The following SZT2 variants were observed in gnomAD, a reference collection of about 807,000 sequenced individuals.
SZT2 encodes the protein KICSTOR complex protein SZT2.
A neutral mutation model predicts 404.2 loss-of-function variants in SZT2; 216 were observed. That is an observed-to-expected ratio of 0.53 (90% CI 0.48 to 0.60). The LOEUF (loss-of-function observed/expected upper bound fraction) is 0.60, where lower values mean the gene tolerates loss of function less well. Among genes scored for constraint, SZT2 ranks in the 20% least tolerant of loss-of-function variants. SZT2 has a pLI of 0.00. For missense variants in SZT2, 3,857 were observed against 4,459.2 expected (o/e 0.86, Z 3.85); for synonymous variants, 1,693 against 1,749.9 (o/e 0.97, Z 0.81).
chr1:43,427,894 A>G, intron 26 of SZT2, 109 bp from the exon 27 acceptor site: 2 of 1,299,788 alleles, frequency 1.5e-6, no homozygotes, highest in Non-Finnish European at 2.2e-6. Context: ...TAGGCCATGA[A>G]TACACTTGAT....
chr1:43,445,993 T>A lies in SZT2; in HGVS notation c.8916+9T>A, dbSNP rs1655618213. The A allele has an allele frequency of 6.2e-7, 1 of 1,613,376 alleles. No homozygotes were observed. Among genetic ancestry groups the A allele is most frequent in the African/African-American group, 1.3e-5 (1 of 74,872 alleles). ...CTGATGGGAGCCCCAAGGTAACTTG[T>A]CATATAATGGTAAAGTTACTGATGC... On this transcript the variant is annotated intron_variant, in intron 63 of 71. Transcript: ENST00000634258.
At chr1:43,445,857 C>T in intron 62 of SZT2, 37 bp from the exon 63 acceptor site, 1 of 1,594,926 alleles carries the variant, frequency 6.3e-7, no homozygotes, top group Non-Finnish European at 8.6e-7. Context: ...ATGCCACTAG[C>T]CTGCCTCATC....
Position 43,454,141 on chromosome 1 carries a change from G to A in SZT2, c.*3661G>A, listed in dbSNP as rs1197678115. 6.6e-6 allele frequency: 4 copies of A among 602,012 alleles called. No individual in the cohort carries two copies. Among genetic ancestry groups the A allele is most frequent in the African/African-American group, 2.0e-5 (1 of 50,388 alleles). 37.3% of individuals were successfully genotyped at this position (602,012 alleles called of 1,614,324 possible). A position where few individuals can be genotyped will look rare whatever the true frequency, so the allele number is the denominator to read the frequency against. ...GAGGGCCCGGTTGCAATGATGGGAC[G>A]CGCACTTTAATACTGAGTCTTTCCT... On this transcript the variant is annotated 3_prime_UTR_variant, in exon 72 of 72. Transcript: ENST00000634258.
Position 43,422,226 on chromosome 1 carries a change from G to T in SZT2, c.1769+1G>T, listed in dbSNP as rs777524473. 7 of 1,579,730 alleles carry T rather than the reference G, an allele frequency of 4.4e-6. No homozygotes were observed. In the Admixed American group the frequency reaches 1.2e-4, roughly 27 times the overall value. On this transcript the variant is annotated splice_donor_variant, in intron 12 of 71. Transcript: ENST00000634258. LOFTEE classifies it high-confidence loss of function. ...TGGTGCTAATCCTGGAGCATGACACGTGGGTGCCCTTAGGGCTGGGCCATA... is the reference window on the plus strand; with the variant it reads ...TGGTGCTAATCCTGGAGCATGACACTTGGGTGCCCTTAGGGCTGGGCCATA...
Position 43,389,943 on chromosome 1 carries a change from C to A in SZT2, c.-26C>A, listed in dbSNP as rs780152293. The A allele has an allele frequency of 6.8e-6, 10 of 1,471,648 alleles. No homozygotes were observed. Among genetic ancestry groups the A allele is most frequent in the Non-Finnish European group, 9.0e-6 (10 of 1,111,848 alleles). The allele number at this position is 1,471,648 out of a possible 1,614,324, so 91.2% of individuals were successfully genotyped here. ...TCAAGAGTGGAACACCCTCACTGGC[C>A]CGGGCCGGCGCGGGAGGGCTGTGTG... On this transcript the variant is annotated 5_prime_UTR_variant, in exon 1 of 72. Transcript: ENST00000634258.
At position 43,430,575 on chromosome 1, in the gene SZT2, C is replaced by T. The variant is rs776049293; in HGVS notation, c.4560C>T (p.Asp1520=). 2.5e-6 allele frequency: 4 copies of T among 1,614,186 alleles called. No individual in the cohort carries two copies. In the East Asian group the frequency reaches 8.9e-5, roughly 36 times the overall value. Residue 1520 remains aspartate, a synonymous_variant, in exon 32 of 72, where the codon GAC becomes GAT. Coordinates refer to ENST00000634258, the MANE Select transcript of SZT2 (RefSeq NM_001365999.1). ...EVEYRESRES[D]LGPAGLDSAS... ...AATACCGGGAGAGCCGTGAATCAGA[C>T]CTGGGGCCTGCTGGGCTAGACTCTG... is the stretch of plus-strand genomic sequence containing the variant.
Position 43,452,474 on chromosome 1 carries a change from C to T in SZT2, c.*1994C>T. ...CCAGGTATCCCAGCACTTTCAGAGA[C>T]ACTTCAGTGATGGCTGAGGGGCAAG... is the stretch of plus-strand genomic sequence containing the variant. On this transcript the variant is annotated 3_prime_UTR_variant, in exon 72 of 72. Coordinates refer to ENST00000634258, the MANE Select transcript of SZT2 (RefSeq NM_001365999.1). 1 of 717,324 alleles carries T rather than the reference C, an allele frequency of 1.4e-6. No individual in the cohort carries two copies. Among genetic ancestry groups the T allele is most frequent in the Non-Finnish European group, 2.6e-6 (1 of 389,004 alleles). The allele number at this position is 717,324 out of a possible 1,614,324, so 44.4% of individuals were successfully genotyped here. A position where few individuals can be genotyped will look rare whatever the true frequency, so the allele number is the denominator to read the frequency against.
intron 42 of SZT2, chr1:43,435,626 C>CT: frequency 3.8e-6 from 1 of 264,546 alleles, no homozygotes; most frequent in East Asian, 7.7e-5. Flanking sequence ...TTACAAGTAG[C>CT]TTGGCAGTGA....
At position 43,443,423 on chromosome 1, in the gene SZT2, C is replaced by A. The variant is rs1655300411; in HGVS notation, c.8571C>A (p.Asp2857Glu). 13 of 1,614,194 alleles carry A rather than the reference C, an allele frequency of 8.1e-6. No homozygotes were observed. The highest frequency in any genetic ancestry group is 9.3e-6 in the Non-Finnish European group (11 of 1,180,036). ...VHYCATAMLF[D>E]PAAWLHGPPE... ...ACTGTGCAACAGCCATGCTCTTCGA[C>A]CCAGCTGCCTGGCTGCATGGGCCCC... The change falls in exon 61 of 72, where the codon GAC becomes GAA. Residue 2857 changes from aspartate (D) to glutamate (E), a missense_variant. Around this residue, in one of 7 missense-constraint regions of SZT2, gnomAD observed 717 missense variants for 868.2 expected, o/e 0.83. Coordinates refer to ENST00000634258, the MANE Select transcript of SZT2 (RefSeq NM_001365999.1).
intron 1 of SZT2, among the ~76,000 whole-genome samples, chr1:43,401,796 C>A (rs1649722938): frequency 6.6e-6 from 1 of 151,388 alleles, no homozygotes; most frequent in Admixed American, 6.6e-5. Flanking sequence ...CTTTTTTTTT[C>A]TTTTACATAG....
chr1:43,445,491 T>TC (rs34464308), intron 62 of SZT2: 8 of 278,102 alleles, frequency 2.9e-5, no homozygotes, highest in South Asian at 2.4e-4. Context: ...GGAACTGCCA[T>TC]CCCCCCCAAT....
rs1394855066 is a variant in SZT2 at position 43,428,166 on chromosome 1, A to G, written c.3919+48A>G. The G allele has an allele frequency of 3.1e-6, 5 of 1,611,226 alleles. No homozygotes were observed. In the African/African-American group the frequency reaches 6.7e-5, roughly 22 times the overall value. On this transcript the variant is annotated intron_variant, in intron 27 of 71. Coordinates refer to ENST00000634258, the MANE Select transcript of SZT2 (RefSeq NM_001365999.1). ...GGAGGAGTGGGGCCCTGCGGGAGAT[A>G]CAGGGATTACAGGGTGGGGACTGGA...
Position 43,429,843 on chromosome 1 carries a change from A to T in SZT2, c.4307A>T (p.Gln1436Leu). ...CATGGTGCCCTTCATAGCGTCATCC[A>T]GGTGGGAAGCTTGGGTGAGGGTAGA... ...EAHGALHSVI[Q>L]EKFLEISRLH... is the part of the protein sequence containing the mutation. Residue 1436 changes from glutamine to leucine, a missense_variant and splice_region_variant, in exon 29 of 72, where the codon CAG becomes CTG. Gln to Leu is a moderately radical substitution (Grantham distance 113, BLOSUM62 -2). Coordinates refer to ENST00000634258, the MANE Select transcript of SZT2 (RefSeq NM_001365999.1). 1 of 1,614,108 alleles carries T rather than the reference A, an allele frequency of 6.2e-7. No individual in the cohort carries two copies. The highest frequency in any genetic ancestry group is 8.5e-7 in the Non-Finnish European group (1 of 1,180,034).
At chr1:43,392,083 C>CAAAA (rs57476239) in intron 1 of SZT2, among the ~76,000 whole-genome samples, 3 of 3,378 alleles carry the variant, frequency 8.9e-4, no homozygotes, top group African/African-American at 1.6e-3. Context: ...GACTCCGTCT[C>CAAAA]AAAAAAAAAA....
chr1:43,397,871 A>G (rs1570544421), intron 1 of SZT2, among the ~76,000 whole-genome samples: 1 of 152,162 alleles, frequency 6.6e-6, no homozygotes, highest in African/African-American at 2.4e-5. Flanking sequence ...TGTCATGAAG[A>G]AAAAATACAG....
chr1:43,440,174 A>G (rs1225795589), intron 51 of SZT2, 126 bp downstream of exon 51: 51 of 1,335,544 alleles, frequency 3.8e-5, no homozygotes, highest in Non-Finnish European at 4.6e-5. Flanking sequence ...CATCAGAACC[A>G]CTTATTCACA....
In SZT2 at chr1:43,420,975, G is replaced by T. The variant is rs370045267; in HGVS notation, c.1488G>T (p.Thr496=). 4.9e-5 allele frequency: 79 copies of T among 1,598,268 alleles called. No individual in the cohort carries two copies. The highest frequency in any genetic ancestry group is 6.7e-5 in the Non-Finnish European group (79 of 1,179,788). The part of the protein sequence containing the change: ...RTHVIRRFWN[T]LQSINQTDQM... ...ATGTTATCCGGCGTTTCTGGAACAC[G>T]CTGCAGAGGTCAGTGAAGTCATCAC... The change falls in exon 10 of 72, where the codon ACG becomes ACT. Residue 496 remains threonine, a synonymous_variant. Coordinates refer to ENST00000634258, the MANE Select transcript of SZT2 (RefSeq NM_001365999.1). This position sits in a 1 kb window ranked among gnomAD's most constrained non-coding sequence, Gnocchi z 5.1.
At position 43,420,619 on chromosome 1, in the gene SZT2, C is replaced by G; in HGVS notation, c.1262-130C>G. 1 of 982,914 alleles carries G rather than the reference C, an allele frequency of 1.0e-6. No homozygotes were observed. Among genetic ancestry groups the G allele is most frequent in the South Asian group, 1.7e-5 (1 of 60,352 alleles). 60.9% of individuals were successfully genotyped at this position (982,914 alleles called of 1,614,324 possible). ...AGTGGGCCAACTCTGGGCCTGAAACCTGTGGAACCATGCTTGGAACCTTTG... is the reference window on the plus strand; with the variant it reads ...AGTGGGCCAACTCTGGGCCTGAAACGTGTGGAACCATGCTTGGAACCTTTG... On this transcript the variant is annotated intron_variant, in intron 9 of 71. Coordinates refer to ENST00000634258, the MANE Select transcript of SZT2 (RefSeq NM_001365999.1). This position sits in a 1 kb window ranked among gnomAD's most constrained non-coding sequence, Gnocchi z 5.1.
chr1:43,408,298 C>T (rs1650579392), intron 4 of SZT2, among the ~76,000 whole-genome samples: 1 of 152,120 alleles, frequency 6.6e-6, no homozygotes, highest in South Asian at 2.1e-4. Flanking sequence ...GGGTCTCACT[C>T]TGTTGCCCAG....
Sources: allele counts gnomAD v4.1 joint callset (sites outside exome capture counted in the v4.1 genomes callset), GRCh38; gene constraint gnomAD v4.1.1; regional missense constraint gnomAD v4.1.1; non-coding constraint Gnocchi (gnomAD v3.1); transcripts MANE v1.5; gene names NCBI Gene and HGNC (gene_info 2026-07-23, HGNC 2026-07-21).